Variants in UBE3B observed in about 807,000 individuals in gnomAD.
The protein encoded by UBE3B is ubiquitin-protein ligase E3B.
A neutral mutation model predicts 132.3 loss-of-function variants in UBE3B; 80 were observed. The observed-to-expected ratio is 0.60, with a 90% CI of 0.50 to 0.73. UBE3B has a LOEUF of 0.73. Among genes scored for constraint, UBE3B ranks in the 30% least tolerant of loss-of-function variants. The pLI, the probability that UBE3B is intolerant of heterozygous loss-of-function variation, is 0.00. For synonymous variants in UBE3B, 487 were observed against 520.4 expected (o/e 0.94, Z 0.87); for missense variants, 1,196 against 1,362.5 (o/e 0.88, Z 1.92).
intron 9 of UBE3B, 32 bp downstream of exon 9, chr12:109,491,159 A>G (rs1486034068): frequency 6.3e-7 from 1 of 1,593,996 alleles, no homozygotes; most frequent in Non-Finnish European, 8.6e-7. Context: ...AGGTGTTGGC[A>G]TGTTCTTGAA....
intron 18 of UBE3B, among the ~76,000 whole-genome samples, chr12:109,516,437 A>G (rs1881064815): frequency 6.6e-6 from 1 of 152,070 alleles, no homozygotes; most frequent in Non-Finnish European, 1.5e-5. Flanking sequence ...TGGGCCTCCC[A>G]GAGTGCTGGG....
At position 109,485,424 on chromosome 12, in the gene UBE3B, G is replaced by A. The variant is rs369927539; in HGVS notation, c.283-588G>A. Among the ~76,000 whole-genome samples, 185 of 152,370 alleles carry A rather than the reference G, an allele frequency of 1.2e-3. No homozygotes were observed. In the South Asian group the frequency reaches 0.018, roughly 15 times the overall value. On this transcript the variant is annotated intron_variant, in intron 4 of 27. Transcript: ENST00000342494. ...TACGTAGATGAGGACAGATAAGCTG[G>A]AGGAGGTGAACCTCATCTTACAGAG...
chr12:109,536,935 TC>T (rs1223311298), downstream of UBE3B, among the ~76,000 whole-genome samples: 7 of 152,172 alleles, frequency 4.6e-5, no homozygotes, highest in African/African-American at 1.2e-4. Flanking sequence ...TATGGGCCCA[TC>T]CCTCTCACCC....
chr12:109,514,894 A>G (rs1880813740), intron 18 of UBE3B, among the ~76,000 whole-genome samples: 1 of 150,996 alleles, frequency 6.6e-6, no homozygotes, highest in Admixed American at 6.6e-5. Context: ...TCCTCCACTC[A>G]GTACCATCCC....
In UBE3B at chr12:109,501,437, G is replaced by A; in HGVS notation, c.1185G>A (p.Arg395=). The A allele has an allele frequency of 6.2e-7, 1 of 1,614,120 alleles. No individual in the cohort carries two copies. Among genetic ancestry groups the A allele is most frequent in the Non-Finnish European group, 8.5e-7 (1 of 1,180,022 alleles). The change falls in exon 13 of 28, where the codon CGG becomes CGA. Residue 395 remains arginine, a synonymous_variant. Transcript: ENST00000342494. Reference sequence around the variant, plus strand: ...TCTTGTGGGGGGTGCCTCTGATCCGGATCTTCTTCTGTGACATCCTGAGCA... The same window carrying A: ...TCTTGTGGGGGGTGCCTCTGATCCGAATCTTCTTCTGTGACATCCTGAGCA... ...LQFLWGVPLI[R]IFFCDILSKK...
rs1377146168 is a variant in UBE3B at position 109,498,240 on chromosome 12, C to G, written c.827C>G (p.Thr276Ser). ...HLSTVTPERL[T>S]VLESHDMLRK... The stretch of plus-strand genomic sequence containing the variant: ...GTCTGCTATTCTTTGCAGCGCCTCA[C>G]TGTTTTAGAATCCCATGACATGCTT... Residue 276 changes from threonine (T) to serine (S), a missense_variant, in exon 11 of 28, where the codon ACT (threonine) becomes AGT (serine). By Grantham distance (58) the Thr-to-Ser change is moderately conservative. Transcript: ENST00000342494. 2 of 1,614,050 alleles carry G rather than the reference C, an allele frequency of 1.2e-6. No individual in the cohort carries two copies.
At chr12:109,501,099 G>C (rs1331642460) in intron 12 of UBE3B, among the ~76,000 whole-genome samples, 1 of 152,200 alleles carries the variant, frequency 6.6e-6, no homozygotes, top group Non-Finnish European at 1.5e-5. Context: ...TTTGTCACCT[G>C]GGTGGTAGCA....
intron 21 of UBE3B, 73 bp from the exon 22 acceptor site, chr12:109,523,905 C>T (rs1269901599): frequency 7.5e-6 from 12 of 1,593,782 alleles, no homozygotes; most frequent in Admixed American, 1.7e-5. Flanking sequence ...ATGTCTGCAC[C>T]CTGAGCCACC....
Position 109,533,557 on chromosome 12 carries a change from A to G in UBE3B, c.3014A>G (p.Gln1005Arg). 1 of 1,612,796 alleles carries G rather than the reference A, an allele frequency of 6.2e-7. No homozygotes were observed. The highest frequency in any genetic ancestry group is 8.5e-7 in the Non-Finnish European group (1 of 1,179,654). ...CGCTGCGTGGAGGTGTCGGACGATC[A>G]GGTACCCCCACGGGGTGGGTGGGGA... Reference protein sequence around the residue: ...SIRCVEVSDDQDTGDTLGSVL... With the variant: ...SIRCVEVSDDRDTGDTLGSVL... The change falls in exon 27 of 28, where the codon CAG becomes CGG. Residue 1005 changes from glutamine (Q) to arginine (R), a missense_variant and splice_region_variant. Gln to Arg is a conservative substitution (Grantham distance 43). Transcript: ENST00000342494.
Position 109,523,978 on chromosome 12 carries a change from G to A in UBE3B, c.2365G>A (p.Gly789Arg). The change falls in exon 22 of 28, where the codon GGA becomes AGA. Residue 789 changes from glycine (G) to arginine (R), a missense_variant and splice_region_variant. By Grantham distance (125) the Gly-to-Arg change is moderately radical. Coordinates refer to ENST00000342494, the MANE Select transcript of UBE3B (RefSeq NM_130466.4). The stretch of plus-strand genomic sequence containing the variant: ...CAGCTCTGCTTCTCTGCTCTCCCAG[G>A]GAATTGTGGTGGACGTGCCATTTGC... ...GKMLGKAVYE[G>R]IVVDVPFASF... 4 of 1,613,852 alleles carry A rather than the reference G, an allele frequency of 2.5e-6. No homozygotes were observed. Among genetic ancestry groups the A allele is most frequent in the South Asian group, 1.1e-5 (1 of 91,056 alleles).
intron 23 of UBE3B, among the ~76,000 whole-genome samples, chr12:109,525,367 A>G (rs567065618): frequency 2.6e-4 from 39 of 152,232 alleles, no homozygotes; most frequent in Non-Finnish European, 5.3e-4. Context: ...GAAGGAAAGA[A>G]TGCTGTCTCG....
intron 26 of UBE3B, among the ~76,000 whole-genome samples, chr12:109,531,129 C>T (rs1397607776): frequency 2.6e-5 from 4 of 152,178 alleles, no homozygotes; most frequent in Admixed American, 2.6e-4. Flanking sequence ...CCCATTTTCT[C>T]AATAGCGTAA....
At chr12:109,547,512 G>A in the UBE3B span, among the ~76,000 whole-genome samples, 6 of 152,256 alleles carry the variant, frequency 3.9e-5, no homozygotes, top group Admixed American at 6.5e-5. This position sits in a 1 kb window ranked among gnomAD's most constrained non-coding sequence, Gnocchi z 4.1. Context: ...CACCCAAGCC[G>A]ATGCCCGCTC....
intron 26 of UBE3B, among the ~76,000 whole-genome samples, chr12:109,532,486 C>T (rs1353197143): frequency 1.3e-5 from 2 of 152,150 alleles, no homozygotes; most frequent in African/African-American, 4.8e-5. Context: ...CTCAAATTGC[C>T]CCTGAGTTTT....
At chr12:109,514,717 C>G (rs1803376470) in intron 18 of UBE3B, among the ~76,000 whole-genome samples, 1 of 151,932 alleles carries the variant, frequency 6.6e-6, no homozygotes, top group South Asian at 2.1e-4. Context: ...GGTAGGAGCA[C>G]CCTTCATTCC....
rs747230707 is a variant in UBE3B, at chr12:109,491,076, G to C, written c.662G>C (p.Arg221Pro). Residue 221 changes from arginine to proline, a missense_variant, in exon 9 of 28, where the codon CGT becomes CCT. Coordinates refer to ENST00000342494, the MANE Select transcript of UBE3B (RefSeq NM_130466.4). ...ILLTRGLARPRPCLSKGTLTA... is the reference protein window; with the variant it reads ...ILLTRGLARPPPCLSKGTLTA... ...TTAACCCGTGGCCTGGCAAGACCCC[G>C]TCCTTGTCTATCCAAAGGCACTTTA... The C allele has an allele frequency of 1.2e-6, 2 of 1,613,910 alleles. No homozygotes were observed. The highest frequency in any genetic ancestry group is 2.2e-5 in the East Asian group (1 of 44,888).
intron 22 of UBE3B, 77 bp downstream of exon 22, chr12:109,524,192 G>T: frequency 1.3e-6 from 2 of 1,584,100 alleles, no homozygotes; most frequent in Non-Finnish European, 8.6e-7. Flanking sequence ...GAAGGAGATG[G>T]CCTGTCCTCT....
intron 6 of UBE3B, among the ~76,000 whole-genome samples, chr12:109,487,272 C>G (rs1031002696): frequency 2.0e-5 from 3 of 152,300 alleles, no homozygotes; most frequent in African/African-American, 4.8e-5. Flanking sequence ...TCCCCTACCC[C>G]CTTCAGTGTT....
At chr12:109,509,331 T>G (rs1329415058) in intron 15 of UBE3B, 1 of 256,110 alleles carries the variant, frequency 3.9e-6, no homozygotes, top group African/African-American at 2.2e-5. Context: ...GGTATACATG[T>G]GCTGTGGTGG....
Sources: gnomAD v4.1 joint callset for allele counts (sites outside exome capture counted in the v4.1 genomes callset) on GRCh38, gnomAD v4.1.1 for gene constraint, Gnocchi (gnomAD v3.1) non-coding constraint, MANE v1.5 for transcripts, NCBI Gene and HGNC (gene_info 2026-07-23, HGNC 2026-07-21) for gene names.